Variants in CDC42BPB observed in about 807,000 individuals in gnomAD.
CDC42BPB encodes serine/threonine-protein kinase MRCK beta.
Under a neutral mutation model 214.9 loss-of-function variants are expected in CDC42BPB, and 37 were observed. That is an observed-to-expected ratio of 0.17 (90% CI 0.13 to 0.23). The LOEUF is 0.23. Ranked by LOEUF, CDC42BPB falls within the 10% of genes least tolerant of loss-of-function variation. The pLI is 1.00. For synonymous variants in CDC42BPB, 931 were observed against 884.0 expected (o/e 1.05, Z -0.94); for missense variants, 1,694 against 2,227.0 (o/e 0.76, Z 4.82).
At position 103,057,112 on chromosome 14, in the gene CDC42BPB, T is replaced by C. The variant is rs1242282334; in HGVS notation, c.62A>G (p.Asn21Ser). Residue 21 changes from asparagine to serine, a missense_variant, in exon 1 of 37, where the codon AAC (asparagine) becomes AGC (serine). By Grantham distance (46) the Asn-to-Ser change is conservative (BLOSUM62 1). Around this residue, in one of 7 missense-constraint regions of CDC42BPB, gnomAD observed 83 missense variants for 79.9 expected, o/e 1.04. Transcript: ENST00000361246. ...CGTTTCCACGCTCAGGGCGCTCTCG[T>C]TGCGCCAGGGCCCGTCCAGGAGCAG... is the stretch of plus-strand genomic sequence containing the variant. ...EQLLLDGPWR[N>S]ESALSVETLL... The C allele has an allele frequency of 5.9e-6, 9 of 1,523,118 alleles. No individual in the cohort carries two copies. The highest frequency in any genetic ancestry group is 2.6e-5 in the East Asian group (1 of 38,150). The allele number at this position is 1,523,118 out of a possible 1,614,324, so 94.4% of individuals were successfully genotyped here.
intron 5 of CDC42BPB, among the ~76,000 whole-genome samples, chr14:102,997,165 C>A (rs2139584052): frequency 6.6e-6 from 1 of 152,262 alleles, no homozygotes; most frequent in South Asian, 2.1e-4. Flanking sequence ...CGAGCACAGG[C>A]CTACAGCTCA....
Position 103,001,307 on chromosome 14 carries a change from C to T in CDC42BPB, c.448-1594G>A, listed in dbSNP as rs1323901450. ...AGGGGTGCTGGCATGCACGAGACAG[C>T]GAGGTCCCTGGCTCAGCAGAGCTCA... On this transcript the variant is annotated intron_variant, in intron 4 of 36. Transcript: ENST00000361246. This position sits in a 1 kb window ranked among gnomAD's most constrained non-coding sequence, Gnocchi z 5.8. Among the ~76,000 whole-genome samples, 6 of 152,304 alleles carry T rather than the reference C, an allele frequency of 3.9e-5. No individual in the cohort carries two copies. Among genetic ancestry groups the T allele is most frequent in the Admixed American group, 6.5e-5 (1 of 15,308 alleles).
intron 30 of CDC42BPB, among the ~76,000 whole-genome samples, chr14:102,942,485 G>C (rs1891941041): frequency 6.6e-6 from 1 of 152,216 alleles, no homozygotes; most frequent in Admixed American, 6.5e-5. Context: ...GCCTCCTCTT[G>C]ATCTGTGGAT....
intron 17 of CDC42BPB, 152 bp downstream of exon 17, chr14:102,966,894 T>C (rs951022186): frequency 1.2e-5 from 10 of 855,326 alleles, no homozygotes; most frequent in African/African-American, 3.4e-5. Flanking sequence ...GCCCCAGACA[T>C]GAGAAGTTCT....
chr14:103,011,871 C>CT (rs1886177215), intron 2 of CDC42BPB, among the ~76,000 whole-genome samples: 1 of 152,078 alleles, frequency 6.6e-6, no homozygotes, highest in Non-Finnish European at 1.5e-5. Flanking sequence ...TCCCCAGCTC[C>CT]TTGGGAGGCC....
chr14:102,969,566 G>A (rs1341025937), intron 14 of CDC42BPB, among the ~76,000 whole-genome samples: 1 of 152,232 alleles, frequency 6.6e-6, no homozygotes. Flanking sequence ...GATCACTGAG[G>A]CGAAGGGAGA....
At chr14:102,967,309 T>C in intron 16 of CDC42BPB, 139 bp from the exon 17 acceptor site, 2 of 1,416,470 alleles carry the variant, frequency 1.4e-6, no homozygotes, top group Non-Finnish European at 1.8e-6. Flanking sequence ...AAGTTCATGA[T>C]ATGGATTTTT....
intron 1 of CDC42BPB, among the ~76,000 whole-genome samples, chr14:103,042,821 T>G (rs1473338568): frequency 6.6e-6 from 1 of 152,158 alleles, no homozygotes. Context: ...GGAACCCTTG[T>G]GGGCTGCTGG....
chr14:102,954,823 C>T, intron 21 of CDC42BPB, 135 bp from the exon 22 acceptor site: 1 of 1,449,544 alleles, frequency 6.9e-7, no homozygotes, highest in Non-Finnish European at 9.1e-7. Flanking sequence ...CTCCTGGATC[C>T]TATCACCCCT....
At chr14:103,047,812 G>A (rs1003454518) in intron 1 of CDC42BPB, among the ~76,000 whole-genome samples, 2 of 150,908 alleles carry the variant, frequency 1.3e-5, no homozygotes, top group African/African-American at 4.9e-5. Context: ...GCTGAGGCAG[G>A]AGAACTGCTT....
intron 2 of CDC42BPB, 114 bp from the exon 3 acceptor site, chr14:103,008,669 G>T: frequency 6.8e-7 from 1 of 1,481,344 alleles, no homozygotes; most frequent in South Asian, 1.4e-5. Flanking sequence ...AACCAGCAGT[G>T]ACCGAAAGCC....
chr14:102,978,639 C>A (rs1474125610), intron 8 of CDC42BPB, among the ~76,000 whole-genome samples: 1 of 152,188 alleles, frequency 6.6e-6, no homozygotes, highest in Non-Finnish European at 1.5e-5. Flanking sequence ...CAAAAAGGAA[C>A]CCAAAGGTAG....
intron 1 of CDC42BPB, chr14:103,012,395 A>G (rs1432373735): frequency 4.1e-6 from 2 of 488,602 alleles, no homozygotes; most frequent in East Asian, 1.5e-4. Flanking sequence ...ACTGGGTAAC[A>G]CTGTTGCAGC....
Position 102,943,192 on chromosome 14 carries a change from T to G in CDC42BPB, c.4408+699A>C, listed in dbSNP as rs1460769635. ...TTATTTAGTAGAGATGAGGCTGGTA[T>G]TGAACTTCTGAGCTCAAGTGAGCCT... is the stretch of plus-strand genomic sequence containing the variant. On this transcript the variant is annotated intron_variant, in intron 30 of 36. Transcript: ENST00000361246. This position sits in a 1 kb window ranked among gnomAD's most constrained non-coding sequence, Gnocchi z 4.6. 6.6e-6 allele frequency among the ~76,000 whole-genome samples: 1 copy of G among 151,994 alleles called. No homozygotes were observed. Among genetic ancestry groups the G allele is most frequent in the Non-Finnish European group, 1.5e-5 (1 of 67,976 alleles).
At chr14:102,986,368 G>A (rs564312455) in intron 6 of CDC42BPB, 119 bp downstream of exon 6, 1 of 632,230 alleles carries the variant, frequency 1.6e-6, no homozygotes, top group Non-Finnish European at 2.7e-6. Context: ...TCTCCAAAAT[G>A]GATTCATTTT....
chr14:102,969,546 A>G (rs534954232), intron 14 of CDC42BPB, among the ~76,000 whole-genome samples: 9 of 152,338 alleles, frequency 5.9e-5, no homozygotes, highest in Non-Finnish European at 1.3e-4. Context: ...TCCCAGAGGA[A>G]GAGTTGCCAG....
intron 13 of CDC42BPB, among the ~76,000 whole-genome samples, chr14:102,970,712 G>A (rs1369886288): frequency 6.6e-6 from 1 of 152,188 alleles, no homozygotes; most frequent in Non-Finnish European, 1.5e-5. Flanking sequence ...CAAACCACTC[G>A]AGGGCAATCC....
chr14:102,973,873 GGCTTGGCCCT>G, intron 12 of CDC42BPB, 133 bp downstream of exon 12: 1 of 1,093,744 alleles, frequency 9.1e-7, no homozygotes, highest in South Asian at 1.8e-5. Context: ...CCCGGGGCCA[GGCTTGGCCCT>G]GGCGTCCTGC....
intron 21 of CDC42BPB, 90 bp from the exon 22 acceptor site, chr14:102,954,778 G>C (rs2139408540): frequency 6.6e-7 from 1 of 1,512,456 alleles, no homozygotes; most frequent in Non-Finnish European, 8.9e-7. Context: ...AATAAAAGCA[G>C]ATTCTGTCTA....
Sources: gnomAD v4.1 joint callset for allele counts (sites outside exome capture counted in the v4.1 genomes callset) on GRCh38, gnomAD v4.1.1 for gene constraint, gnomAD v4.1.1 regional missense constraint, Gnocchi (gnomAD v3.1) non-coding constraint, MANE v1.5 for transcripts, NCBI Gene and HGNC (gene_info 2026-07-23, HGNC 2026-07-21) for gene names.